The following JMJD1C variants were observed in gnomAD, a reference collection of about 807,000 sequenced individuals.
JMJD1C encodes jumonji domain-containing protein 1C.
Under a neutral mutation model 245.3 loss-of-function variants are expected in JMJD1C, and 31 were observed. The ratio of observed to expected loss-of-function variants is 0.13; its 90% confidence interval spans 0.09 to 0.17. JMJD1C has a LOEUF of 0.17. JMJD1C is among the 10% of genes least tolerant of loss of function. The pLI is 1.00. For synonymous variants in JMJD1C, 1,057 were observed against 1,017.4 expected, an observed-to-expected ratio of 1.04 and a Z score of -0.74; for missense variants, 2,691 against 3,000.2, an observed-to-expected ratio of 0.90 and a Z score of 2.41.
chr10:63,256,551 T>G (rs886906333), intron 3 of JMJD1C, among the ~76,000 whole-genome samples: 4 of 152,222 alleles, frequency 2.6e-5, no homozygotes, highest in Non-Finnish European at 5.9e-5. Context: ...CATCCTACTA[T>G]CGAGGCTTCA....
At chr10:63,299,460 G>A (rs1859829066) in intron 2 of JMJD1C, among the ~76,000 whole-genome samples, 1 of 150,790 alleles carries the variant, frequency 6.6e-6, no homozygotes, top group African/African-American at 2.4e-5. Flanking sequence ...CCAAAGTGTT[G>A]GGATTACAGG....
intron 3 of JMJD1C, among the ~76,000 whole-genome samples, chr10:63,245,064 G>A (rs1161982841): frequency 2.0e-5 from 3 of 147,664 alleles, no homozygotes; most frequent in East Asian, 2.0e-4. Flanking sequence ...AACCCAAGAG[G>A]TGGAGCTTGC....
At chr10:63,491,916 C>T (rs1250672274) in intron 1 of JMJD1C, among the ~76,000 whole-genome samples, 1 of 152,218 alleles carries the variant, frequency 6.6e-6, no homozygotes, top group East Asian at 1.9e-4. Flanking sequence ...TTTGTCAGCA[C>T]AAAACAGAAT....
intron 2 of JMJD1C, among the ~76,000 whole-genome samples, chr10:63,367,139 C>T (rs1002379662): frequency 3.3e-5 from 5 of 152,206 alleles, no homozygotes; most frequent in African/African-American, 1.2e-4. Context: ...CACACTGCAG[C>T]ACTCTCAGAG....
chr10:63,282,190 CCTT>C (rs1432801275), intron 2 of JMJD1C, among the ~76,000 whole-genome samples: 2 of 152,170 alleles, frequency 1.3e-5, no homozygotes, highest in Non-Finnish European at 2.9e-5. Flanking sequence ...CCCATTACCT[CCTT>C]GTTTGTTAAA....
Position 63,214,186 on chromosome 10 carries a change from T to G in JMJD1C, c.1981A>C (p.Thr661Pro). ...HSPDSVKSKA[T>P]YVNSQATGER... Reference sequence around the variant, plus strand: ...CCAGTAGCTTGGCTGTTCACATAAGTGGCCTTAGACTTTACAGAATCAGGA... The same window carrying G: ...CCAGTAGCTTGGCTGTTCACATAAGGGGCCTTAGACTTTACAGAATCAGGA... The change falls in exon 8 of 26, where the codon ACT becomes CCT. Residue 661 changes from threonine to proline, a missense_variant. This residue lies in a region of JMJD1C where 1,562 missense variants were observed against 1,490.7 expected (regional missense o/e 1.05). Transcript: ENST00000399262. 6.2e-7 allele frequency: 1 copy of G among 1,614,120 alleles called. No individual in the cohort carries two copies. The highest frequency in any genetic ancestry group is 8.5e-7 in the Non-Finnish European group (1 of 1,180,022).
chr10:63,419,834 T>TAAAAAAAA (rs34006135), intron 1 of JMJD1C, among the ~76,000 whole-genome samples: 1 of 114,520 alleles, frequency 8.7e-6, no homozygotes, highest in Non-Finnish European at 1.8e-5. Flanking sequence ...CTCCATGAAA[T>TAAAAAAAA]AAAAAAAAAA....
intron 3 of JMJD1C, among the ~76,000 whole-genome samples, chr10:63,240,444 A>C (rs1465718174): frequency 1.3e-5 from 2 of 152,254 alleles, no homozygotes; most frequent in Non-Finnish European, 2.9e-5. Flanking sequence ...AAGGTTCAGT[A>C]GGACAGTGAT....
intron 10 of JMJD1C, chr10:63,203,258 A>T: frequency 4.1e-6 from 4 of 973,320 alleles, no homozygotes; most frequent in Non-Finnish European, 4.9e-6. Context: ...CTTCAATTCC[A>T]TATATATATA....
intron 1 of JMJD1C, among the ~76,000 whole-genome samples, chr10:63,471,827 C>T (rs967693775): frequency 1.3e-5 from 2 of 152,126 alleles, no homozygotes; most frequent in Admixed American, 6.5e-5. Flanking sequence ...CACCTGAGGT[C>T]GGGAATTTGA....
rs889272000 is a variant in JMJD1C at position 63,204,201 on chromosome 10, G to C, written c.5074+2394C>G. On this transcript the variant is annotated intron_variant, in intron 10 of 25. Transcript: ENST00000399262. ...AAGTCAACTCTGTCCACAATTAATA[G>C]ATGACATCTAATATTGACTTAATAT... The C allele has an allele frequency of 4.1e-6, 4 of 985,064 alleles. No individual in the cohort carries two copies. The Admixed American group carries it at 1.8e-4, about 45-fold the overall frequency. The allele number at this position is 985,064 out of a possible 1,614,324, so 61.0% of individuals were successfully genotyped here. A position where few individuals can be genotyped will look rare whatever the true frequency, so the allele number is the denominator to read the frequency against.
chr10:63,247,695 G>A (rs1284825569), intron 3 of JMJD1C, among the ~76,000 whole-genome samples: 3 of 120,058 alleles, frequency 2.5e-5, no homozygotes, highest in South Asian at 2.6e-4. Flanking sequence ...CTGAGCCACC[G>A]CACACCAGCC....
intron 2 of JMJD1C, among the ~76,000 whole-genome samples, chr10:63,318,860 C>T (rs1408721040): frequency 6.6e-6 from 1 of 151,974 alleles, no homozygotes; most frequent in Admixed American, 6.6e-5. Context: ...CATTTCAGTG[C>T]CTCATCTAAA....
In JMJD1C at chr10:63,367,060, C is replaced by T. The variant is rs975983990; in HGVS notation, c.333+13258G>A. On this transcript the variant is annotated intron_variant, in intron 2 of 25. Transcript: ENST00000399262. ...GAAAGAGGAGATTCAAGAGACTAGT[C>T]CCAGCTGGGTGTAAATCTTTAAACA... is the stretch of plus-strand genomic sequence containing the variant. 2.0e-5 allele frequency among the ~76,000 whole-genome samples: 3 copies of T among 152,074 alleles called. No homozygotes were observed. In the East Asian group the frequency reaches 5.8e-4, roughly 29 times the overall value.
chr10:63,463,053 C>T (rs1952908107), intron 1 of JMJD1C, among the ~76,000 whole-genome samples: 1 of 152,078 alleles, frequency 6.6e-6, no homozygotes, highest in African/African-American at 2.4e-5. Flanking sequence ...CTGGTGTATC[C>T]AGCCAGGACT....
intron 3 of JMJD1C, among the ~76,000 whole-genome samples, chr10:63,229,043 T>TA (rs1185920598): frequency 1.3e-5 from 2 of 152,082 alleles, no homozygotes; most frequent in Non-Finnish European, 2.9e-5. Context: ...GAATATGCAT[T>TA]AAAAAGTAAG....
Position 63,207,790 on chromosome 10 carries a change from T to C in JMJD1C, c.3879A>G (p.Lys1293=). Reference sequence around the variant, plus strand: ...TAGCAGCCTGTAACTTTCCGCTGCTTTTCTCCACATGCCATTCAGTTTTCT... The same window carrying C: ...TAGCAGCCTGTAACTTTCCGCTGCTCTTCTCCACATGCCATTCAGTTTTCT... ...SKEKTEWHVE[K]SSGKLQAAMA... The change falls in exon 10 of 26, where the codon AAA becomes AAG. Residue 1293 remains lysine (K), a synonymous_variant. Transcript: ENST00000399262. 6.2e-7 allele frequency: 1 copy of C among 1,614,200 alleles called. No homozygotes were observed. The highest frequency in any genetic ancestry group is 1.1e-5 in the South Asian group (1 of 91,080).
intron 3 of JMJD1C, among the ~76,000 whole-genome samples, chr10:63,240,640 C>A (rs1324223910): frequency 6.6e-6 from 1 of 152,074 alleles, no homozygotes; most frequent in Non-Finnish European, 1.5e-5. Flanking sequence ...AAGATAAGGC[C>A]ATAACCAGAC....
chr10:63,486,137 T>TAAAAAAAAA (rs1166721473), intron 1 of JMJD1C, among the ~76,000 whole-genome samples: 48 of 73,282 alleles, frequency 6.6e-4, no homozygotes, highest in African/African-American at 3.6e-3. Flanking sequence ...CAAGCAATTG[T>TAAAAAAAAA]AAAAAAAAAA....
Sources: gnomAD v4.1 joint callset for allele counts (sites outside exome capture counted in the v4.1 genomes callset) on GRCh38, gnomAD v4.1.1 for gene constraint, gnomAD v4.1.1 regional missense constraint, MANE v1.5 for transcripts, NCBI Gene and HGNC (gene_info 2026-07-23, HGNC 2026-07-21) for gene names.